TRIM56: variants seen among roughly 807,000 people sequenced by gnomAD.
The protein encoded by TRIM56 is E3 ubiquitin-protein ligase TRIM56.
Under a neutral mutation model 17.1 loss-of-function variants are expected in TRIM56, and 10 were observed. The ratio of observed to expected loss-of-function variants is 0.58; its 90% CI spans 0.36 to 0.99. The LOEUF is 0.99. TRIM56 is among the 50% of genes least tolerant of loss of function. The probability of loss-of-function intolerance (pLI) is 0.01; values close to 1 mark genes in which losing one functional copy is unlikely to be tolerated. For missense variants in TRIM56, 923 were observed against 1,052.3 expected, an observed-to-expected ratio of 0.88 and a Z score of 1.70; for synonymous variants, 503 against 473.5, an observed-to-expected ratio of 1.06 and a Z score of -0.81.
rs1174532561 is a variant in TRIM56 at position 101,092,565 on chromosome 7, C to A, written c.*2985C>A. ...CCCTCCGCCCGGCAGCCGCCCCGTCCGGGAGGGAGGTGGGGGGTCAGCCCC... is the reference window on the plus strand; with the variant it reads ...CCCTCCGCCCGGCAGCCGCCCCGTCAGGGAGGGAGGTGGGGGGTCAGCCCC... On this transcript the variant is annotated 3_prime_UTR_variant, in exon 3 of 3. Transcript: ENST00000306085. The A allele has an allele frequency of 7.1e-6, 1 of 141,380 alleles. No individual in the cohort carries two copies. The highest frequency in any genetic ancestry group is 1.5e-5 in the Non-Finnish European group (1 of 66,456). 8.8% of individuals were successfully genotyped at this position (141,380 alleles called of 1,614,324 possible). A position where few individuals can be genotyped will look rare whatever the true frequency, so the allele number is the denominator to read the frequency against.
Position 101,092,681 on chromosome 7 carries a change from T to TCCC in TRIM56, c.*3103_*3105dup, listed in dbSNP as rs1257721081. Reference sequence around the variant, plus strand: ...TTCCGGGAGGGAGGTGGGGGATCAGTCCCCGCCCGGCCAGCCGCCCCGCCC... The same window carrying TCCC: ...TTCCGGGAGGGAGGTGGGGGATCAGTCCCCCCCGCCCGGCCAGCCGCCCCGCCC... On this transcript the variant is annotated 3_prime_UTR_variant, in exon 3 of 3. Transcript: ENST00000306085. 8.0e-6 allele frequency: 1 copy of TCCC among 125,738 alleles called. No individual in the cohort carries two copies. Among genetic ancestry groups the TCCC allele is most frequent in the African/African-American group, 3.3e-5 (1 of 30,072 alleles). 7.8% of individuals were successfully genotyped at this position (125,738 alleles called of 1,614,324 possible). A position where few individuals can be genotyped will look rare whatever the true frequency, so the allele number is the denominator to read the frequency against.
rs1210225024 is a variant in TRIM56, at chr7:101,089,319, G to A, written c.2007G>A (p.Gly669=). ...VICDGLGQVV[G]EYKGPGLHGC... ...GTGATGGGCTGGGCCAGGTGGTTGG[G>A]GAGTACAAGGGGCCAGGCCTGCATG... Residue 669 remains glycine (G), a synonymous_variant, in exon 3 of 3, where the codon GGG becomes GGA. Coordinates refer to ENST00000306085, the MANE Select transcript of TRIM56 (RefSeq NM_030961.3). The A allele has an allele frequency of 6.2e-7, 1 of 1,602,802 alleles. No individual in the cohort carries two copies. Among genetic ancestry groups the A allele is most frequent in the East Asian group, 2.2e-5 (1 of 44,622 alleles).
intron 1 of TRIM56, among the ~76,000 whole-genome samples, chr7:101,086,358 C>G (rs1443693557): frequency 2.0e-5 from 3 of 151,746 alleles, no homozygotes; most frequent in Admixed American, 2.0e-4. Context: ...GTCAGGAGTT[C>G]AAGACCAGCC....
chr7:101,085,643 G>A (rs1795430066), intron 1 of TRIM56, 72 bp downstream of exon 1: 1 of 152,644 alleles, frequency 6.6e-6, no homozygotes, highest in Non-Finnish European at 1.5e-5. Context: ...AGTGGAGAGA[G>A]AGCGCGGGAG....
Position 101,088,946 on chromosome 7 carries a change from C to T in TRIM56, c.1634C>T (p.Pro545Leu), listed in dbSNP as rs369456324. ...SLNGDYKGTV[P>L]VPEGCSPCSV... is the part of the protein sequence containing the mutation. ...AACGGCGACTACAAGGGCACCGTGC[C>T]GGTCCCTGAGGGCTGCTCCCCTTGC... The change falls in exon 3 of 3, where the codon CCG becomes CTG. Residue 545 changes from proline to leucine, a missense_variant. Coordinates refer to ENST00000306085, the MANE Select transcript of TRIM56 (RefSeq NM_030961.3). The T allele has an allele frequency of 8.3e-5, 134 of 1,613,332 alleles. No individual in the cohort carries two copies. Among genetic ancestry groups the T allele is most frequent in the Non-Finnish European group, 8.6e-5 (101 of 1,180,044 alleles).
chr7:101,096,338 T>A lies in TRIM56; in HGVS notation c.*6758T>A, dbSNP rs1331428110. ...TGTTCGGAACTGACTAGGTTGTGCG[T>A]GGATGGACCAGTGAAAAGAAAATCC... On this transcript the variant is annotated 3_prime_UTR_variant, in exon 3 of 3. Transcript: ENST00000306085. The A allele has an allele frequency of 6.6e-6, 1 of 152,198 alleles. No individual in the cohort carries two copies. The highest frequency in any genetic ancestry group is 1.5e-5 in the Non-Finnish European group (1 of 68,042). The allele number at this position is 152,198 out of a possible 1,614,324, so 9.4% of individuals were successfully genotyped here.
rs200821663 is a variant in TRIM56, at chr7:101,087,746, G to A, written c.434G>A (p.Arg145His). The change falls in exon 3 of 3, where the codon CGC (arginine) becomes CAC (histidine). Residue 145 changes from arginine to histidine, a missense_variant. Arg to His is a conservative substitution (Grantham distance 29). Coordinates refer to ENST00000306085, the MANE Select transcript of TRIM56 (RefSeq NM_030961.3). Reference sequence around the variant, plus strand: ...TGCACCCGCCAGACCCACACCCACCGCGTGGTGGACCTGGTGGGCTACAGG... The same window carrying A: ...TGCACCCGCCAGACCCACACCCACCACGTGGTGGACCTGGTGGGCTACAGG... ...HRCTRQTHTH[R>H]VVDLVGYRAG... The A allele has an allele frequency of 1.9e-4, 306 of 1,604,018 alleles. No homozygotes were observed. Among genetic ancestry groups the A allele is most frequent in the Middle Eastern group, 1.0e-3 (6 of 5,940 alleles).
In TRIM56 at chr7:101,089,040, C is replaced by T. The variant is rs11760747; in HGVS notation, c.1728C>T (p.Asn576=). 206,244 of 1,602,646 alleles carry T rather than the reference C, an allele frequency of 0.13. 15,120 individuals carry two copies. The highest frequency in any genetic ancestry group is 0.31 in the African/African-American group (23,411 of 74,972). The change falls in exon 3 of 3, where the codon AAC becomes AAT. Residue 576 remains asparagine (N), a synonymous_variant. Coordinates refer to ENST00000306085, the MANE Select transcript of TRIM56 (RefSeq NM_030961.3). ...CACGGCTCTATCTCATCAACCCCAA[C>T]GGCGAAGTGCAGTGGCGCAGGGCCC... is the stretch of plus-strand genomic sequence containing the variant. The part of the protein sequence containing the change: ...ASARLYLINP[N]GEVQWRRALS...
chr7:101,096,961 A>C lies in TRIM56; in HGVS notation c.*7381A>C, dbSNP rs1252647102. On this transcript the variant is annotated 3_prime_UTR_variant, in exon 3 of 3. Transcript: ENST00000306085. ...ATTAGTTAAGGACCCATAAGAGTAG[A>C]CATTTAGAAAAAGTGAAAAATGGCA... 6.6e-6 allele frequency: 1 copy of C among 152,224 alleles called. No homozygotes were observed. Among genetic ancestry groups the C allele is most frequent in the Non-Finnish European group, 1.5e-5 (1 of 68,046 alleles). The allele number at this position is 152,224 out of a possible 1,614,324, so 9.4% of individuals were successfully genotyped here. A position where few individuals can be genotyped will look rare whatever the true frequency, so the allele number is the denominator to read the frequency against.
rs1292985219 is a variant in TRIM56 at position 101,088,674 on chromosome 7, T to A, written c.1362T>A (p.Gly454=). 4 of 1,613,656 alleles carry A rather than the reference T, an allele frequency of 2.5e-6. No individual in the cohort carries two copies. Among genetic ancestry groups the A allele is most frequent in the African/African-American group, 2.7e-5 (2 of 74,810 alleles). The part of the protein sequence containing the change: ...HEDGGPQPHR[G]GRPNKKKKFK... The stretch of plus-strand genomic sequence containing the variant: ...ATGGAGGACCCCAGCCCCACAGGGG[T>A]GGCAGACCCAACAAGAAGAAAAAGT... The change falls in exon 3 of 3, where the codon GGT becomes GGA. Residue 454 remains glycine, a synonymous_variant. Coordinates refer to ENST00000306085, the MANE Select transcript of TRIM56 (RefSeq NM_030961.3).
rs1453305079 is a variant in TRIM56, at chr7:101,096,744, C to G, written c.*7164C>G. 6.6e-6 allele frequency: 1 copy of G among 152,226 alleles called. No individual in the cohort carries two copies. The highest frequency in any genetic ancestry group is 1.5e-5 in the Non-Finnish European group (1 of 68,046). The allele number at this position is 152,226 out of a possible 1,614,324, so 9.4% of individuals were successfully genotyped here. A position where few individuals can be genotyped will look rare whatever the true frequency, so the allele number is the denominator to read the frequency against. Reference sequence around the variant, plus strand: ...GGTACATGTGTTGTGAGTGAAAGCTCTGGAACACCCGAGTAGAGCTTTCTG... The same window carrying G: ...GGTACATGTGTTGTGAGTGAAAGCTGTGGAACACCCGAGTAGAGCTTTCTG... On this transcript the variant is annotated 3_prime_UTR_variant, in exon 3 of 3. Coordinates refer to ENST00000306085, the MANE Select transcript of TRIM56 (RefSeq NM_030961.3).
rs923822338 is a variant in TRIM56 at position 101,096,194 on chromosome 7, G to GAA, written c.*6625_*6626dup. ...ACAGAGTGAGACCCTGTCTCAAAAAGAAAAAAAAAAAAGAGAGAAATCAGG... is the reference window on the plus strand; with the variant it reads ...ACAGAGTGAGACCCTGTCTCAAAAAGAAAAAAAAAAAAAAGAGAGAAATCAGG... On this transcript the variant is annotated 3_prime_UTR_variant, in exon 3 of 3. Transcript: ENST00000306085. 2 of 124,300 alleles carry GAA rather than the reference G, an allele frequency of 1.6e-5. No homozygotes were observed. The highest frequency in any genetic ancestry group is 3.5e-5 in the Non-Finnish European group (2 of 56,422). 7.7% of individuals were successfully genotyped at this position (124,300 alleles called of 1,614,324 possible). A position where few individuals can be genotyped will look rare whatever the true frequency, so the allele number is the denominator to read the frequency against.
In TRIM56 at chr7:101,092,482, G is replaced by A. The variant is rs554505954; in HGVS notation, c.*2902G>A. 0.011 allele frequency: 1,736 copies of A among 159,166 alleles called. 2 individuals carry two copies. Among genetic ancestry groups the A allele is most frequent in the Middle Eastern group, 0.034 (11 of 322 alleles). 9.9% of individuals were successfully genotyped at this position (159,166 alleles called of 1,614,324 possible). On this transcript the variant is annotated 3_prime_UTR_variant, in exon 3 of 3. Coordinates refer to ENST00000306085, the MANE Select transcript of TRIM56 (RefSeq NM_030961.3). ...AGGAGCGTCTCTGCCCAGCCGCCCC[G>A]TCTGAGAAGTGAGGAGCCCCTCCGC...
At position 101,092,984 on chromosome 7, in the gene TRIM56, T is replaced by C. The variant is rs576970378; in HGVS notation, c.*3404T>C. On this transcript the variant is annotated 3_prime_UTR_variant, in exon 3 of 3. Transcript: ENST00000306085. ...AGACATGGGAGACTTCATTTTGTTC[T>C]GTACTAAGAAAAATTCTTCTGCCTT... 740 of 178,354 alleles carry C rather than the reference T, an allele frequency of 4.1e-3. 9 individuals are homozygous for C. The highest frequency in any genetic ancestry group is 0.017 in the African/African-American group (722 of 41,900). The allele number at this position is 178,354 out of a possible 1,614,324, so 11.0% of individuals were successfully genotyped here. A position where few individuals can be genotyped will look rare whatever the true frequency, so the allele number is the denominator to read the frequency against.
At position 101,091,042 on chromosome 7, in the gene TRIM56, G is replaced by A. The variant is rs983433683; in HGVS notation, c.*1462G>A. Reference sequence around the variant, plus strand: ...CAAGAAAACCTAGAAGGTGCAATGGGGCTGCGACGGATAGAGGTGTCAAAC... The same window carrying A: ...CAAGAAAACCTAGAAGGTGCAATGGAGCTGCGACGGATAGAGGTGTCAAAC... On this transcript the variant is annotated 3_prime_UTR_variant, in exon 3 of 3. Transcript: ENST00000306085. 1 of 152,290 alleles carries A rather than the reference G, an allele frequency of 6.6e-6. No homozygotes were observed. The highest frequency in any genetic ancestry group is 1.5e-5 in the Non-Finnish European group (1 of 68,098). 9.4% of individuals were successfully genotyped at this position (152,290 alleles called of 1,614,324 possible).
rs1795601926 is a variant in TRIM56, at chr7:101,092,860, G to A, written c.*3280G>A. ...TGTACCCAACAGCTCATTGAGAACG[G>A]GCCATGATGACGATGGCGGTTTTGT... On this transcript the variant is annotated 3_prime_UTR_variant, in exon 3 of 3. Transcript: ENST00000306085. The A allele has an allele frequency of 5.7e-6, 1 of 174,166 alleles. No homozygotes were observed. Among genetic ancestry groups the A allele is most frequent in the Non-Finnish European group, 1.2e-5 (1 of 84,294 alleles). The allele number at this position is 174,166 out of a possible 1,614,324, so 10.8% of individuals were successfully genotyped here.
Position 101,088,995 on chromosome 7 carries a change from G to C in TRIM56, c.1683G>C (p.Ala561=), listed in dbSNP as rs758499105. ...GCAGCGTGGCCGCCCTGCAGAGCGC[G>C]GTGGCCTTCTCCGCTAGCGCACGGC... ...SPCSVAALQS[A]VAFSASARLY... is the part of the protein sequence containing the mutation. Residue 561 remains alanine, a synonymous_variant, in exon 3 of 3, where the codon GCG becomes GCC. Coordinates refer to ENST00000306085, the MANE Select transcript of TRIM56 (RefSeq NM_030961.3). 6.2e-7 allele frequency: 1 copy of C among 1,609,718 alleles called. No individual in the cohort carries two copies. Among genetic ancestry groups the C allele is most frequent in the South Asian group, 1.1e-5 (1 of 91,064 alleles).
At position 101,089,143 on chromosome 7, in the gene TRIM56, G is replaced by A. The variant is rs200430251; in HGVS notation, c.1831G>A (p.Val611Met). 8.1e-6 allele frequency: 13 copies of A among 1,609,090 alleles called. No homozygotes were observed. The highest frequency in any genetic ancestry group is 1.6e-4 in the Middle Eastern group (1 of 6,078). The change falls in exon 3 of 3, where the codon GTG becomes ATG. Residue 611 changes from valine (V) to methionine (M), a missense_variant. Transcript: ENST00000306085. ...CGTGGCTGTCAGCGTGGCGGGCCAC[G>A]TGGAGGTGTACAATATGGAAGGCAG... ...DRVAVSVAGHVEVYNMEGSLA... is the reference protein window; with the variant it reads ...DRVAVSVAGHMEVYNMEGSLA...
chr7:101,086,036 C>T (rs1795443442), intron 1 of TRIM56, among the ~76,000 whole-genome samples: 1 of 152,174 alleles, frequency 6.6e-6, no homozygotes, highest in South Asian at 2.1e-4. Context: ...CTCCAGAATC[C>T]GCTTTAGAAA....
Sources: gnomAD v4.1 joint callset for allele counts (sites outside exome capture counted in the v4.1 genomes callset) on GRCh38, gnomAD v4.1.1 for gene constraint, MANE v1.5 for transcripts, NCBI Gene and HGNC (gene_info 2026-07-23, HGNC 2026-07-21) for gene names.